SERPINF2: variants seen among roughly 807,000 people sequenced by gnomAD.
SERPINF2 encodes the protein alpha-2-antiplasmin.
SERPINF2 carries 15 observed loss-of-function variants against 45.0 expected under a neutral mutation model. That is an observed-to-expected ratio of 0.33 (90% CI 0.22 to 0.51). The LOEUF is 0.51. SERPINF2 is among the 20% of genes least tolerant of loss of function. The pLI is 0.97. For missense variants in SERPINF2, 518 were observed against 637.4 expected, an observed-to-expected ratio of 0.81 and a Z score of 2.02; for synonymous variants, 283 against 277.9, an observed-to-expected ratio of 1.02 and a Z score of -0.18.
At position 1,754,330 on chromosome 17, in the gene SERPINF2, A is replaced by G. The variant is rs370903317; in HGVS notation, c.1272A>G (p.Thr424=). ...TCTTCTTCATCTTCGAGGACACCAC[A>G]GGCCTTCCCCTCTTCGTGGGCAGCG... ...PFLFFIFEDT[T]GLPLFVGSVR... is the part of the protein sequence containing the mutation. The change falls in exon 10 of 10, where the codon ACA becomes ACG. Residue 424 remains threonine (T), a synonymous_variant. Transcript: ENST00000453066. 1.3e-5 allele frequency: 21 copies of G among 1,614,014 alleles called. No individual in the cohort carries two copies. The highest frequency in any genetic ancestry group is 4.0e-5 in the African/African-American group (3 of 74,918).
At chr17:1,749,467 G>A (rs755460847) in intron 8 of SERPINF2, among the ~76,000 whole-genome samples, 10 of 151,712 alleles carry the variant, frequency 6.6e-5, no homozygotes, top group Admixed American at 1.3e-4. Context: ...CCATGGTGGC[G>A]GGCGCCTGTA....
At position 1,754,237 on chromosome 17, in the gene SERPINF2, G is replaced by A. The variant is rs144819627; in HGVS notation, c.1179G>A (p.Ala393=). 6.7e-5 allele frequency: 108 copies of A among 1,613,908 alleles called. No individual in the cohort carries two copies. Among genetic ancestry groups the A allele is most frequent in the African/African-American group, 3.2e-4 (24 of 74,952 alleles). Residue 393 remains alanine, a synonymous_variant, in exon 10 of 10, where the codon GCG becomes GCA. Transcript: ENST00000453066. ...AGCTCAGCGAGGTCGGCGTGGAGGC[G>A]GCGGCGGCCACCAGCATTGCCATGT... The part of the protein sequence containing the change: ...TLELSEVGVE[A]AAATSIAMSR...
At chr17:1,748,515 G>A in intron 7 of SERPINF2, 83 bp from the exon 8 acceptor site, 1 of 1,572,670 alleles carries the variant, frequency 6.4e-7, no homozygotes, top group Non-Finnish European at 8.7e-7. Context: ...CAGAGCCCAA[G>A]CTGGTCCCCA....
chr17:1,745,756 A>G lies in SERPINF2; in HGVS notation c.214A>G (p.Arg72Gly), dbSNP rs375243817. Residue 72 changes from arginine (R) to glycine (G), a missense_variant, in exon 5 of 10, where the codon AGA becomes GGA. Around this residue, in one of 2 missense-constraint regions of SERPINF2, gnomAD observed 435 missense variants for 577.3 expected, o/e 0.75. Coordinates refer to ENST00000453066, the MANE Select transcript of SERPINF2 (RefSeq NM_000934.4). The surrounding 1 kb of genome is among the most constrained non-coding windows in gnomAD (Gnocchi z 6.2). The part of the protein sequence containing the change: ...ALKSPPGVCS[R>G]DPTPEQTHRL... ...GAAGAGTCCCCCAGGAGTCTGCAGC[A>G]GAGACCCCACCCCAGAGCAGACCCA... 3 of 1,613,998 alleles carry G rather than the reference A, an allele frequency of 1.9e-6. No homozygotes were observed. The highest frequency in any genetic ancestry group is 2.5e-6 in the Non-Finnish European group (3 of 1,180,002).
chr17:1,744,967 A>G (rs772352419), intron 1 of SERPINF2, 25 bp from the exon 2 acceptor site: 1 of 1,613,290 alleles, frequency 6.2e-7, no homozygotes, highest in African/African-American at 1.3e-5. Context: ...TGAGATGGGA[A>G]CAGAGCTTTC....
At chr17:1,749,068 C>T (rs1169553029) in intron 8 of SERPINF2, among the ~76,000 whole-genome samples, 1 of 152,208 alleles carries the variant, frequency 6.6e-6, no homozygotes, top group African/African-American at 2.4e-5. Flanking sequence ...CACAGTGCAA[C>T]AGTGAATGGA....
chr17:1,752,490 G>A (rs1011724973), intron 8 of SERPINF2, 96 bp from the exon 9 acceptor site: 2 of 1,075,434 alleles, frequency 1.9e-6, no homozygotes, highest in South Asian at 1.3e-5. Context: ...GGATGGCCAG[G>A]AGCCCCATTG....
In SERPINF2 at chr17:1,748,200, C is replaced by A. The variant is rs1313961475; in HGVS notation, c.716-398C>A. On this transcript the variant is annotated intron_variant, in intron 7 of 9. Coordinates refer to ENST00000453066, the MANE Select transcript of SERPINF2 (RefSeq NM_000934.4). ...CCTGTAGTCCCAGCTACTCGGGAGG[C>A]TGAGGCAGGAGAATGGCGTGAGCCC... Among the ~76,000 whole-genome samples the A allele has an allele frequency of 7.3e-5, 11 of 151,640 alleles. No individual in the cohort carries two copies. In the East Asian group the frequency reaches 2.1e-3, roughly 30 times the overall value.
At position 1,754,219 on chromosome 17, in the gene SERPINF2, C is replaced by T. The variant is rs201915095; in HGVS notation, c.1161C>T (p.Ser387=). Residue 387 remains serine (S), a synonymous_variant, in exon 10 of 10, where the codon AGC becomes AGT. Transcript: ENST00000453066. ...GVQHQSTLEL[S]EVGVEAAAAT... ...AGCATCAGTCCACCCTGGAGCTCAG[C>T]GAGGTCGGCGTGGAGGCGGCGGCGG... 1.4e-5 allele frequency: 23 copies of T among 1,613,714 alleles called. No homozygotes were observed. The African/African-American group carries it at 2.7e-4, about 19-fold the overall frequency.
chr17:1,745,462 C>T lies in SERPINF2; in HGVS notation c.165+67C>T, dbSNP rs1235780255. On this transcript the variant is annotated intron_variant, in intron 4 of 9. Transcript: ENST00000453066. This position sits in a 1 kb window ranked among gnomAD's most constrained non-coding sequence, Gnocchi z 6.2. ...GGGAGGAGGGCCCATCGGCAGGGGT[C>T]GGGGGGTGGGGGCGCGTGCTGAGGC... The T allele has an allele frequency of 2.9e-4, 39 of 136,272 alleles. No homozygotes were observed. Among genetic ancestry groups the T allele is most frequent in the East Asian group, 1.2e-3 (6 of 5,206 alleles). 8.4% of individuals were successfully genotyped at this position (136,272 alleles called of 1,614,324 possible).
At chr17:1,752,362 C>A (rs961158956) in intron 8 of SERPINF2, among the ~76,000 whole-genome samples, 2 of 152,072 alleles carry the variant, frequency 1.3e-5, no homozygotes, top group Non-Finnish European at 2.9e-5. Context: ...GGCCACACTG[C>A]TAGAAACTTT....
At position 1,754,456 on chromosome 17, in the gene SERPINF2, A is replaced by G; in HGVS notation, c.1398A>G (p.Gly466=). ...AGAGCCTGAAAGGCTTCCCCCGCGG[A>G]GACAAGCTTTTCGGCCCTGACTTAA... ...FLQSLKGFPR[G]DKLFGPDLKL... is the part of the protein sequence containing the mutation. The change falls in exon 10 of 10, where the codon GGA becomes GGG. Residue 466 remains glycine, a synonymous_variant. Coordinates refer to ENST00000453066, the MANE Select transcript of SERPINF2 (RefSeq NM_000934.4). The G allele has an allele frequency of 6.2e-7, 1 of 1,608,394 alleles. No homozygotes were observed. The highest frequency in any genetic ancestry group is 8.5e-7 in the Non-Finnish European group (1 of 1,176,632).
chr17:1,747,567 A>G, intron 7 of SERPINF2, 55 bp downstream of exon 7: 2 of 1,573,260 alleles, frequency 1.3e-6, no homozygotes, highest in Non-Finnish European at 1.7e-6. Flanking sequence ...TGGGACGTGC[A>G]GGCCTTTTTG....
chr17:1,748,719 G>C lies in SERPINF2; in HGVS notation c.837G>C (p.Leu279Phe). 6.6e-7 allele frequency: 1 copy of C among 1,519,622 alleles called. No homozygotes were observed. The highest frequency in any genetic ancestry group is 1.4e-5 in the African/African-American group (1 of 73,176). The allele number at this position is 1,519,622 out of a possible 1,614,324, so 94.1% of individuals were successfully genotyped here. A position where few individuals can be genotyped will look rare whatever the true frequency, so the allele number is the denominator to read the frequency against. ...GCACGTACCCGCTGCGCTGGTTCTTGCTGGAGCAGCCTGAGATCCAGGTCA... is the reference window on the plus strand; with the variant it reads ...GCACGTACCCGCTGCGCTGGTTCTTCCTGGAGCAGCCTGAGATCCAGGTCA... ...QARTYPLRWF[L>F]LEQPEIQVAH... The change falls in exon 8 of 10, where the codon TTG becomes TTC. Residue 279 changes from leucine (L) to phenylalanine (F), a missense_variant. Transcript: ENST00000453066.
intron 8 of SERPINF2, among the ~76,000 whole-genome samples, 180 bp from the exon 9 acceptor site, chr17:1,752,388 GGTTACGTGTCCGCCTGCA>G (rs996657574): frequency 1.3e-5 from 2 of 152,062 alleles, no homozygotes; most frequent in African/African-American, 4.8e-5. Flanking sequence ...CATCTCATTC[GGTTACGTGTCCGCCTGCA>G]GTGGGACAGG....
chr17:1,745,577 C>CT lies in SERPINF2; in HGVS notation c.166-130dup. On this transcript the variant is annotated intron_variant, in intron 4 of 9. Coordinates refer to ENST00000453066, the MANE Select transcript of SERPINF2 (RefSeq NM_000934.4). The surrounding 1 kb of genome is among the most constrained non-coding windows in gnomAD (Gnocchi z 6.2). ...GCCCCAGAATGCCAGTGCCCTCCGTCTGACGCTCCCTCTTCCCTGGGGCTG... is the reference window on the plus strand; with the variant it reads ...GCCCCAGAATGCCAGTGCCCTCCGTCTTGACGCTCCCTCTTCCCTGGGGCTG... 1 of 1,184,432 alleles carries CT rather than the reference C, an allele frequency of 8.4e-7. No homozygotes were observed. Among genetic ancestry groups the CT allele is most frequent in the African/African-American group, 1.5e-5 (1 of 66,460 alleles). 73.4% of individuals were successfully genotyped at this position (1,184,432 alleles called of 1,614,324 possible). A position where few individuals can be genotyped will look rare whatever the true frequency, so the allele number is the denominator to read the frequency against.
At position 1,743,935 on chromosome 17, in the gene SERPINF2, C is replaced by T. The variant is rs564291935; in HGVS notation, c.-5+1027C>T. 8.0e-4 allele frequency among the ~76,000 whole-genome samples: 121 copies of T among 151,104 alleles called. 1 individual carries two copies. The highest frequency in any genetic ancestry group is 2.4e-3 in the African/African-American group (100 of 41,268). On this transcript the variant is annotated intron_variant, in intron 1 of 9. Coordinates refer to ENST00000453066, the MANE Select transcript of SERPINF2 (RefSeq NM_000934.4). ...TTTTTGAGACAGAGTCTTGCTCTGT[C>T]GCCCAGGCTGGAGTGCAGTGGCGTG...
Position 1,745,245 on chromosome 17 carries a change from G to A in SERPINF2, c.102+32G>A. 3.2e-6 allele frequency: 5 copies of A among 1,578,956 alleles called. No homozygotes were observed. The highest frequency in any genetic ancestry group is 4.3e-6 in the Non-Finnish European group (5 of 1,163,006). ...GGGAGTGAGGAGCCTGTGATGGGGG[G>A]AAGGTCCCGGGGGTCTCACTGGTGG... On this transcript the variant is annotated intron_variant, in intron 3 of 9. Transcript: ENST00000453066. This position sits in a 1 kb window ranked among gnomAD's most constrained non-coding sequence, Gnocchi z 6.2.
rs781699275 is a variant in SERPINF2 at position 1,747,520 on chromosome 17, C to T, written c.715+8C>T. On this transcript the variant is annotated splice_region_variant and intron_variant, in intron 7 of 9. Transcript: ENST00000453066. ...ACGCCATCCACTTCCAGGGTGCGCT[C>T]CTCCTCCTCTCAGATCCCCCACCCT... 50 of 1,613,036 alleles carry T rather than the reference C, an allele frequency of 3.1e-5. No homozygotes were observed. Among genetic ancestry groups the T allele is most frequent in the South Asian group, 3.1e-4 (28 of 90,922 alleles).
Sources: gnomAD v4.1 joint callset for allele counts (sites outside exome capture counted in the v4.1 genomes callset) on GRCh38, gnomAD v4.1.1 for gene constraint, gnomAD v4.1.1 regional missense constraint, Gnocchi (gnomAD v3.1) non-coding constraint, MANE v1.5 for transcripts, NCBI Gene and HGNC (gene_info 2026-07-23, HGNC 2026-07-21) for gene names.